NDUFC2: variants seen among roughly 807,000 people sequenced by gnomAD.
The protein encoded by NDUFC2 is NADH:ubiquinone oxidoreductase subunit C2.
Under a neutral mutation model 10.1 loss-of-function variants are expected in NDUFC2, and 2 were observed. That is an observed-to-expected ratio of 0.20 (90% confidence interval 0.08 to 0.62). NDUFC2 has a LOEUF of 0.62. Among genes scored for constraint, NDUFC2 ranks in the 20% least tolerant of loss-of-function variants. NDUFC2 has a pLI of 0.87. For synonymous variants in NDUFC2, 61 were observed against 63.6 expected, an observed-to-expected ratio of 0.96 and a Z score of 0.20; for missense variants, 156 against 159.6, an observed-to-expected ratio of 0.98 and a Z score of 0.12.
chr11:78,071,740 G>T (rs1410192694), intron 2 of NDUFC2, among the ~76,000 whole-genome samples: 1 of 152,180 alleles, frequency 6.6e-6, no homozygotes, highest in Non-Finnish European at 1.5e-5. Context: ...GACTGTAGCT[G>T]GGTGAAAGCT....
At chr11:78,075,032 T>C (rs1406558247) in intron 1 of NDUFC2, among the ~76,000 whole-genome samples, 1 of 152,206 alleles carries the variant, frequency 6.6e-6, no homozygotes, top group Admixed American at 6.5e-5. Flanking sequence ...GACCTCTCAC[T>C]ACCTGCACAC....
At position 78,079,568 on chromosome 11, in the gene NDUFC2, G is replaced by T; in HGVS notation, c.166+11C>A. On this transcript the variant is annotated intron_variant, in intron 1 of 2. Transcript: ENST00000281031. ...TCTCCTCCCAGCCGATCCCGGCCGC[G>T]CAGCACTCACCAGCCGTCGCGATCG... 4 of 1,548,992 alleles carry T rather than the reference G, an allele frequency of 2.6e-6. No homozygotes were observed. Among genetic ancestry groups the T allele is most frequent in the Non-Finnish European group, 2.6e-6 (3 of 1,146,634 alleles).
chr11:78,070,925 G>A (rs1265647991), intron 2 of NDUFC2, among the ~76,000 whole-genome samples: 2 of 152,190 alleles, frequency 1.3e-5, no homozygotes, highest in African/African-American at 4.8e-5. Context: ...AAGAGCCAGA[G>A]GTCTGAGACT....
intron 1 of NDUFC2, among the ~76,000 whole-genome samples, chr11:78,076,730 T>C (rs972011698): frequency 6.6e-6 from 1 of 152,162 alleles, no homozygotes; most frequent in Non-Finnish European, 1.5e-5. Flanking sequence ...CATATGCTCT[T>C]AACTGCTATA....
At position 78,069,611 on chromosome 11, in the gene NDUFC2, T is replaced by C; in HGVS notation, c.*376A>G. The C allele has an allele frequency of 2.1e-6, 1 of 485,198 alleles. No homozygotes were observed. Among genetic ancestry groups the C allele is most frequent in the East Asian group, 3.6e-5 (1 of 28,164 alleles). The allele number at this position is 485,198 out of a possible 1,614,324, so 30.1% of individuals were successfully genotyped here. On this transcript the variant is annotated 3_prime_UTR_variant, in exon 3 of 3. Transcript: ENST00000281031. The stretch of plus-strand genomic sequence containing the variant: ...CATATTAATTAGGCTTTGCAGGCCA[T>C]AGGTCTCTATCACAACTACTCAATT...
At chr11:78,070,087 A>G in intron 2 of NDUFC2, 51 bp from the exon 3 acceptor site, 1 of 1,334,608 alleles carries the variant, frequency 7.5e-7, no homozygotes. Flanking sequence ...TGTTTTAAAA[A>G]TTGTATTTCC....
chr11:78,070,212 G>A (rs999125913), intron 2 of NDUFC2, among the ~76,000 whole-genome samples, 176 bp from the exon 3 acceptor site: 1 of 152,120 alleles, frequency 6.6e-6, no homozygotes, highest in African/African-American at 2.4e-5. Context: ...ACGATATTAA[G>A]AGGTTAGGAC....
chr11:78,073,031 T>C lies in NDUFC2; in HGVS notation c.277A>G (p.Met93Val). The change falls in exon 2 of 3, where the codon ATG becomes GTG. Residue 93 changes from methionine to valine, a missense_variant. Met to Val is a conservative substitution (Grantham distance 21). Coordinates refer to ENST00000281031, the MANE Select transcript of NDUFC2 (RefSeq NM_004549.6). ...GGAAAATCCTCTGGATGTAATTTCA[T>C]ATATCCAAACATTTCACGGTCCCTC... ...AVRDREMFGY[M>V]KLHPEDFPEE... The C allele has an allele frequency of 6.2e-7, 1 of 1,613,794 alleles. No homozygotes were observed. Among genetic ancestry groups the C allele is most frequent in the Non-Finnish European group, 8.5e-7 (1 of 1,179,976 alleles).
rs541331654 is a variant in NDUFC2, at chr11:78,078,719, C to A, written c.166+860G>T. On this transcript the variant is annotated intron_variant, in intron 1 of 2. Transcript: ENST00000281031. ...AAGTTCCTCCCCAGACCTCATGAAT[C>A]AGGATCCGCTTTTTTTTTTTTTTTG... Among the ~76,000 whole-genome samples, 415 of 41,730 alleles carry A rather than the reference C, an allele frequency of 9.9e-3. 2 individuals are homozygous for A. The highest frequency in any genetic ancestry group is 0.017 in the Non-Finnish European group (343 of 20,582). 27.4% of individuals were successfully genotyped at this position (41,730 alleles called of 152,430 possible). A position where few individuals can be genotyped will look rare whatever the true frequency, so the allele number is the denominator to read the frequency against.
At chr11:78,079,157 C>A (rs547866667) in intron 1 of NDUFC2, among the ~76,000 whole-genome samples, 1 of 148,916 alleles carries the variant, frequency 6.7e-6, no homozygotes, top group African/African-American at 2.5e-5. Flanking sequence ...AGCCATATGA[C>A]CTTGGGCAAG....
At chr11:78,075,228 G>C (rs2136835436) in intron 1 of NDUFC2, among the ~76,000 whole-genome samples, 1 of 152,238 alleles carries the variant, frequency 6.6e-6, no homozygotes, top group East Asian at 1.9e-4. Flanking sequence ...CAGCAAGAAG[G>C]TTAAGTTTTA....
chr11:78,077,204 A>G (rs991542712), intron 1 of NDUFC2, among the ~76,000 whole-genome samples: 5 of 151,864 alleles, frequency 3.3e-5, no homozygotes, highest in Admixed American at 6.6e-5. Flanking sequence ...GGATAGGAGG[A>G]TCGCCTGAGC....
chr11:78,078,202 G>A (rs911207624), intron 1 of NDUFC2, among the ~76,000 whole-genome samples: 2 of 152,102 alleles, frequency 1.3e-5, no homozygotes, highest in African/African-American at 4.8e-5. Flanking sequence ...TCCAATCAAC[G>A]CCTCACATTG....
intron 1 of NDUFC2, 147 bp downstream of exon 1, chr11:78,079,432 G>C: frequency 8.6e-7 from 1 of 1,159,476 alleles, no homozygotes; most frequent in Non-Finnish European, 1.2e-6. Context: ...AGCTAATGGG[G>C]CGCGGACTCC....
chr11:78,073,195 AAG>A (rs1271779273), intron 1 of NDUFC2, 54 bp from the exon 2 acceptor site: 1 of 1,608,672 alleles, frequency 6.2e-7, no homozygotes, highest in East Asian at 2.2e-5. Flanking sequence ...CATGTGTATT[AAG>A]AGTTACATTT....
rs668397 is a variant in NDUFC2 at position 78,070,490 on chromosome 11, T to A, written c.311-454A>T. ...TGGTAAGAAAAACAAAGTTAAAAAA[T>A]TTTTTTTAATTACCCAGTTTAAGGC... is the stretch of plus-strand genomic sequence containing the variant. On this transcript the variant is annotated intron_variant, in intron 2 of 2. Coordinates refer to ENST00000281031, the MANE Select transcript of NDUFC2 (RefSeq NM_004549.6). Among the ~76,000 whole-genome samples, 1,430 of 152,248 alleles carry A rather than the reference T, an allele frequency of 9.4e-3. 21 individuals are homozygous for A. The highest frequency in any genetic ancestry group is 0.03 in the African/African-American group (1,251 of 41,544).
intron 2 of NDUFC2, among the ~76,000 whole-genome samples, chr11:78,070,553 C>G (rs771854063): frequency 6.6e-6 from 1 of 152,088 alleles, no homozygotes; most frequent in Non-Finnish European, 1.5e-5. Context: ...AAGACAAACC[C>G]CTAAGAATTT....
At chr11:78,072,360 T>G (rs1191527123) in intron 2 of NDUFC2, among the ~76,000 whole-genome samples, 1 of 152,168 alleles carries the variant, frequency 6.6e-6, no homozygotes, top group Non-Finnish European at 1.5e-5. Flanking sequence ...GTATTTCTAA[T>G]AGAGACAGGG....
At chr11:78,075,604 G>T (rs1250390054) in intron 1 of NDUFC2, among the ~76,000 whole-genome samples, 2 of 152,088 alleles carry the variant, frequency 1.3e-5, no homozygotes, top group Non-Finnish European at 2.9e-5. Context: ...TCATTATTAT[G>T]AGACAGAATC....
Sources: gnomAD v4.1 joint callset for allele counts (sites outside exome capture counted in the v4.1 genomes callset) on GRCh38, gnomAD v4.1.1 for gene constraint, MANE v1.5 for transcripts, NCBI Gene and HGNC (gene_info 2026-07-23, HGNC 2026-07-21) for gene names.